The following NEFM variants were observed in gnomAD, a reference collection of about 807,000 sequenced individuals.
NEFM encodes neurofilament medium chain.
A neutral mutation model predicts 48.1 loss-of-function variants in NEFM; 16 were observed. The observed-to-expected ratio is 0.33, with a 90% CI of 0.23 to 0.51. The LOEUF (loss-of-function observed/expected upper bound fraction) is 0.51, where lower values mean the gene tolerates loss of function less well. NEFM is among the 20% of genes least tolerant of loss of function. The probability of loss-of-function intolerance (pLI) is 0.98; values close to 1 mark genes in which losing one functional copy is unlikely to be tolerated. For missense variants in NEFM, 1,107 were observed against 1,136.0 expected (o/e 0.97, Z 0.37); for synonymous variants, 465 against 456.9 (o/e 1.02, Z -0.23).
In NEFM at chr8:24,914,564, G is replaced by A; in HGVS notation, c.771G>A (p.Glu257=). Residue 257 remains glutamate, a synonymous_variant, in exon 1 of 3, where the codon GAG becomes GAA. Coordinates refer to ENST00000221166, the MANE Select transcript of NEFM (RefSeq NM_005382.2). ...TCCAGGCATCGCACATCACGGTGGA[G>A]CGCAAAGACTACCTGAAGACAGACA... ...AQIQASHITV[E]RKDYLKTDIS... is the part of the protein sequence containing the mutation. The A allele has an allele frequency of 6.2e-7, 1 of 1,614,200 alleles. No homozygotes were observed. Among genetic ancestry groups the A allele is most frequent in the Non-Finnish European group, 8.5e-7 (1 of 1,180,046 alleles).
Position 24,918,617 on chromosome 8 carries a change from C to G in NEFM, c.*11C>G. ...ACCCAGAGTGACTAAGATTTGAGTC[C>G]ATTGCAAAAGGTTAAGCCATATGAC... On this transcript the variant is annotated 3_prime_UTR_variant, in exon 3 of 3. Transcript: ENST00000221166. The G allele has an allele frequency of 6.3e-7, 1 of 1,584,196 alleles. No individual in the cohort carries two copies. Among genetic ancestry groups the G allele is most frequent in the Non-Finnish European group, 8.6e-7 (1 of 1,156,796 alleles).
In NEFM at chr8:24,918,241, A is replaced by C; in HGVS notation, c.2386A>C (p.Arg796=). 1 of 1,572,154 alleles carries C rather than the reference A, an allele frequency of 6.4e-7. No individual in the cohort carries two copies. The highest frequency in any genetic ancestry group is 8.6e-7 in the Non-Finnish European group (1 of 1,158,608). Residue 796 remains arginine (R), a synonymous_variant, in exon 3 of 3, where the codon AGG becomes CGG. Transcript: ENST00000221166. ...EGSDKGAKGS[R]KEDIAVNGEV... ...GAGTGATAAAGGTGCCAAGGGATCC[A>C]GGAAGGAAGACATAGCTGTCAATGG...
chr8:24,916,817 A>G (rs1201476379), intron 2 of NEFM, among the ~76,000 whole-genome samples: 1 of 152,130 alleles, frequency 6.6e-6, no homozygotes, highest in African/African-American at 2.4e-5. Flanking sequence ...TTAGTGGACT[A>G]TTGGGCAAGG....
In NEFM at chr8:24,917,187, C is replaced by A; in HGVS notation, c.1332C>A (p.Pro444=). The A allele has an allele frequency of 6.2e-7, 1 of 1,614,014 alleles. No individual in the cohort carries two copies. The highest frequency in any genetic ancestry group is 8.5e-7 in the Non-Finnish European group (1 of 1,180,004). ...TTCAGAAACCCAAGGTGGAAGCTCC[C>A]AAGCTTAAGGTCCAACACAAATTTG... is the stretch of plus-strand genomic sequence containing the variant. ...SKIQKPKVEA[P]KLKVQHKFVE... The change falls in exon 3 of 3, where the codon CCC becomes CCA. Residue 444 remains proline (P), a synonymous_variant. Transcript: ENST00000221166.
Position 24,913,859 on chromosome 8 carries a change from G to A in NEFM, c.66G>A (p.Ser22=), listed in dbSNP as rs1024996365. 1.2e-6 allele frequency: 2 copies of A among 1,608,738 alleles called. No individual in the cohort carries two copies. Among genetic ancestry groups the A allele is most frequent in the Non-Finnish European group, 1.7e-6 (2 of 1,178,320 alleles). The change falls in exon 1 of 3, where the codon TCG becomes TCA. Residue 22 remains serine (S), a synonymous_variant. Coordinates refer to ENST00000221166, the MANE Select transcript of NEFM (RefSeq NM_005382.2). ...ACCGGCGGGTAACCGAGACCCGCTC[G>A]AGCTTCAGCCGCGTCAGCGGCTCCC... is the stretch of plus-strand genomic sequence containing the variant. ...SAYRRVTETR[S]SFSRVSGSPS... is the part of the protein sequence containing the mutation.
In NEFM at chr8:24,917,305, A is replaced by C. The variant is rs200369309; in HGVS notation, c.1450A>C (p.Met484Leu). 6.2e-7 allele frequency: 1 copy of C among 1,614,088 alleles called. No homozygotes were observed. The highest frequency in any genetic ancestry group is 8.5e-7 in the Non-Finnish European group (1 of 1,180,014). Residue 484 changes from methionine (M) to leucine (L), a missense_variant, in exon 3 of 3, where the codon ATG becomes CTG. Physicochemically the swap from Met to Leu is conservative, Grantham distance 15. Around this residue, in one of 3 missense-constraint regions of NEFM, gnomAD observed 917 missense variants for 916.4 expected, o/e 1.00. Transcript: ENST00000221166. The part of the protein sequence containing the change: ...TAITEELAVS[M>L]KEEKKEAAEE... ...CATTACAGAGGAATTGGCCGTTTCC[A>C]TGAAGGAAGAGAAGAAAGAAGCAGC...
At position 24,915,656 on chromosome 8, in the gene NEFM, G is replaced by A. The variant is rs774502591; in HGVS notation, c.1132G>A (p.Ala378Thr). 9.9e-6 allele frequency: 16 copies of A among 1,613,904 alleles called. No homozygotes were observed. Among genetic ancestry groups the A allele is most frequent in the Non-Finnish European group, 1.2e-5 (14 of 1,179,982 alleles). Residue 378 changes from alanine (A) to threonine (T), a missense_variant, in exon 2 of 3, where the codon GCT (alanine) becomes ACT (threonine). This residue lies in a region of NEFM where 917 missense variants were observed against 916.4 expected (regional missense o/e 1.00). Transcript: ENST00000221166. The stretch of plus-strand genomic sequence containing the variant: ...GCTTCGGGGCACAAAGTGGGAAATG[G>A]CTCGTCATTTGCGCGAATACCAGGA... ...NELRGTKWEM[A>T]RHLREYQDLL...
rs1802536951 is a variant in NEFM at position 24,914,189 on chromosome 8, G to T, written c.396G>T (p.Glu132Asp). ...AGCAGAATAAGGAGATTGAGGCGGA[G>T]ATCCAGGCGCTGCGGCAGAAGCAGG... ...LEQQNKEIEAEIQALRQKQAS... is the reference protein window; with the variant it reads ...LEQQNKEIEADIQALRQKQAS... Residue 132 changes from glutamate to aspartate, a missense_variant, in exon 1 of 3, where the codon GAG becomes GAT. This residue lies in a region of NEFM where 186 missense variants were observed against 200.6 expected (regional missense o/e 0.93). Coordinates refer to ENST00000221166, the MANE Select transcript of NEFM (RefSeq NM_005382.2). 3 of 1,612,190 alleles carry T rather than the reference G, an allele frequency of 1.9e-6. No homozygotes were observed. The highest frequency in any genetic ancestry group is 1.7e-6 in the Non-Finnish European group (2 of 1,179,432).
rs1404738312 is a variant in NEFM at position 24,915,732 on chromosome 8, A to G, written c.1205+3A>G. On this transcript the variant is annotated splice_donor_region_variant and intron_variant, in intron 2 of 2. Coordinates refer to ENST00000221166, the MANE Select transcript of NEFM (RefSeq NM_005382.2). ...GATATAGAAATCGCTGCGTACAGGTACGATGCTTACTACGTGCGTGGCCGG... is the reference window on the plus strand; with the variant it reads ...GATATAGAAATCGCTGCGTACAGGTGCGATGCTTACTACGTGCGTGGCCGG... 1.2e-6 allele frequency: 2 copies of G among 1,614,080 alleles called. No homozygotes were observed. Among genetic ancestry groups the G allele is most frequent in the East Asian group, 2.2e-5 (1 of 44,872 alleles).
Position 24,917,546 on chromosome 8 carries a change from G to A in NEFM, c.1691G>A (p.Gly564Asp), listed in dbSNP as rs749256845. The A allele has an allele frequency of 1.3e-6, 2 of 1,564,614 alleles. No individual in the cohort carries two copies. Among genetic ancestry groups the A allele is most frequent in the Admixed American group, 1.9e-5 (1 of 51,954 alleles). ...GAAGGCTCTAGTGAAAAAGAGGAAG[G>A]TGAGCAGGAAGAAGGAGAAACAGAA... ...EKEGSSEKEE[G>D]EQEEGETEAE... is the part of the protein sequence containing the mutation. The change falls in exon 3 of 3, where the codon GGT becomes GAT. Residue 564 changes from glycine (G) to aspartate (D), a missense_variant. Physicochemically the swap from Gly to Asp is moderately conservative, Grantham distance 94 (BLOSUM62 -1). Around this residue, in one of 3 missense-constraint regions of NEFM, gnomAD observed 917 missense variants for 916.4 expected, o/e 1.00. Coordinates refer to ENST00000221166, the MANE Select transcript of NEFM (RefSeq NM_005382.2).
Position 24,918,493 on chromosome 8 carries a change from A to T in NEFM, c.2638A>T (p.Thr880Ser). The change falls in exon 3 of 3, where the codon ACT becomes TCT. Residue 880 changes from threonine (T) to serine (S), a missense_variant. Transcript: ENST00000221166. ...ATACATCACTAAATCTGTAACCGTC[A>T]CTCAAAAGGTTGAAGAGCATGAAGA... ...TKYITKSVTV[T>S]QKVEEHEETF... is the part of the protein sequence containing the mutation. The T allele has an allele frequency of 9.3e-6, 15 of 1,614,082 alleles. No individual in the cohort carries two copies. Among genetic ancestry groups the T allele is most frequent in the Non-Finnish European group, 1.2e-5 (14 of 1,179,978 alleles).
At position 24,918,150 on chromosome 8, in the gene NEFM, G is replaced by C; in HGVS notation, c.2295G>C (p.Gly765=). Reference sequence around the variant, plus strand: ...TGGAGAAAGAGACCAAAGAAGAGGGGAAGCCACTGCAGCAGGAGAAAGAGA... The same window carrying C: ...TGGAGAAAGAGACCAAAGAAGAGGGCAAGCCACTGCAGCAGGAGAAAGAGA... ...VHLEKETKEE[G]KPLQQEKEKE... The change falls in exon 3 of 3, where the codon GGG becomes GGC. Residue 765 remains glycine (G), a synonymous_variant. Transcript: ENST00000221166. 3 of 1,551,364 alleles carry C rather than the reference G, an allele frequency of 1.9e-6. No homozygotes were observed. Among genetic ancestry groups the C allele is most frequent in the Non-Finnish European group, 2.6e-6 (3 of 1,147,066 alleles).
chr8:24,918,173 A>G lies in NEFM; in HGVS notation c.2318A>G (p.Glu773Gly). 10 of 1,552,116 alleles carry G rather than the reference A, an allele frequency of 6.4e-6. No individual in the cohort carries two copies. Among genetic ancestry groups the G allele is most frequent in the Non-Finnish European group, 8.7e-6 (10 of 1,147,254 alleles). The change falls in exon 3 of 3, where the codon GAG becomes GGG. Residue 773 changes from glutamate (E) to glycine (G), a missense_variant. Around this residue, in one of 3 missense-constraint regions of NEFM, gnomAD observed 917 missense variants for 916.4 expected, o/e 1.00. Coordinates refer to ENST00000221166, the MANE Select transcript of NEFM (RefSeq NM_005382.2). The part of the protein sequence containing the change: ...EEGKPLQQEK[E>G]KEKAGGEGGS... ...GGGAAGCCACTGCAGCAGGAGAAAG[A>G]GAAGGAGAAAGCGGGAGGAGAGGGA...
chr8:24,918,209 A>G lies in NEFM; in HGVS notation c.2354A>G (p.Glu785Gly). The G allele has an allele frequency of 2.6e-6, 4 of 1,554,516 alleles. No individual in the cohort carries two copies. Among genetic ancestry groups the G allele is most frequent in the Non-Finnish European group, 3.5e-6 (4 of 1,148,858 alleles). Reference protein sequence around the residue: ...EKAGGEGGSEEEGSDKGAKGS... With the variant: ...EKAGGEGGSEGEGSDKGAKGS... ...GCGGGAGGAGAGGGAGGAAGTGAGG[A>G]GGAAGGGAGTGATAAAGGTGCCAAG... is the stretch of plus-strand genomic sequence containing the variant. The change falls in exon 3 of 3, where the codon GAG becomes GGG. Residue 785 changes from glutamate to glycine, a missense_variant. This residue lies in a region of NEFM where 917 missense variants were observed against 916.4 expected (regional missense o/e 1.00). Transcript: ENST00000221166.
At position 24,918,165 on chromosome 8, in the gene NEFM, G is replaced by A. The variant is rs1216245492; in HGVS notation, c.2310G>A (p.Gln770=). 1.9e-6 allele frequency: 3 copies of A among 1,551,992 alleles called. No individual in the cohort carries two copies. Among genetic ancestry groups the A allele is most frequent in the Non-Finnish European group, 2.6e-6 (3 of 1,147,214 alleles). Residue 770 remains glutamine (Q), a synonymous_variant, in exon 3 of 3, where the codon CAG becomes CAA. Coordinates refer to ENST00000221166, the MANE Select transcript of NEFM (RefSeq NM_005382.2). The part of the protein sequence containing the change: ...ETKEEGKPLQ[Q]EKEKEKAGGE... ...AAGAAGAGGGGAAGCCACTGCAGCA[G>A]GAGAAAGAGAAGGAGAAAGCGGGAG...
chr8:24,917,903 C>A lies in NEFM; in HGVS notation c.2048C>A (p.Pro683Gln), dbSNP rs1378477738. 2 of 1,613,958 alleles carry A rather than the reference C, an allele frequency of 1.2e-6. No homozygotes were observed. The highest frequency in any genetic ancestry group is 1.7e-6 in the Non-Finnish European group (2 of 1,180,038). The change falls in exon 3 of 3, where the codon CCA (proline) becomes CAA (glutamine). Residue 683 changes from proline (P) to glutamine (Q), a missense_variant. By Grantham distance (76) the Pro-to-Gln change is moderately conservative. Around this residue, in one of 3 missense-constraint regions of NEFM, gnomAD observed 917 missense variants for 916.4 expected, o/e 1.00. Coordinates refer to ENST00000221166, the MANE Select transcript of NEFM (RefSeq NM_005382.2). ...GAAGAGAAAGCCAAATCTCCTGTGCCAAAATCACCAGTGGAAGAGGCAAAG... is the reference window on the plus strand; with the variant it reads ...GAAGAGAAAGCCAAATCTCCTGTGCAAAAATCACCAGTGGAAGAGGCAAAG... ...PVEEKAKSPV[P>Q]KSPVEEAKSK...
Position 24,918,275 on chromosome 8 carries a change from A to G in NEFM, c.2420A>G (p.Glu807Gly), listed in dbSNP as rs757452112. The G allele has an allele frequency of 5.6e-6, 9 of 1,601,966 alleles. No individual in the cohort carries two copies. The highest frequency in any genetic ancestry group is 6.8e-6 in the Non-Finnish European group (8 of 1,173,722). The change falls in exon 3 of 3, where the codon GAA becomes GGA. Residue 807 changes from glutamate to glycine, a missense_variant. Around this residue, in one of 3 missense-constraint regions of NEFM, gnomAD observed 917 missense variants for 916.4 expected, o/e 1.00. Transcript: ENST00000221166. ...KEDIAVNGEVEGKEEVEQETK... is the reference protein window; with the variant it reads ...KEDIAVNGEVGGKEEVEQETK... ...GACATAGCTGTCAATGGGGAGGTAGAAGGAAAAGAGGAGGTAGAGCAGGAG... is the reference window on the plus strand; with the variant it reads ...GACATAGCTGTCAATGGGGAGGTAGGAGGAAAAGAGGAGGTAGAGCAGGAG...
chr8:24,915,456 G>T, intron 1 of NEFM, 149 bp from the exon 2 acceptor site: 1 of 1,288,254 alleles, frequency 7.8e-7, no homozygotes, highest in Non-Finnish European at 1.1e-6. Context: ...AAAGGGGGTG[G>T]GACGGGGGGC....
rs779350815 is a variant in NEFM at position 24,914,594 on chromosome 8, G to T, written c.801G>T (p.Ser267=). The part of the protein sequence containing the change: ...ERKDYLKTDI[S]TALKEIRSQL... Reference sequence around the variant, plus strand: ...AAGACTACCTGAAGACAGACATCTCGACGGCGCTGAAGGAAATCCGCTCCC... The same window carrying T: ...AAGACTACCTGAAGACAGACATCTCTACGGCGCTGAAGGAAATCCGCTCCC... The change falls in exon 1 of 3, where the codon TCG becomes TCT. Residue 267 remains serine, a synonymous_variant. Transcript: ENST00000221166. 5.6e-6 allele frequency: 9 copies of T among 1,614,186 alleles called. 1 individual carries two copies. In the South Asian group the frequency reaches 8.8e-5, roughly 16 times the overall value.
Sources: allele counts gnomAD v4.1 joint callset (sites outside exome capture counted in the v4.1 genomes callset), GRCh38; gene constraint gnomAD v4.1.1; regional missense constraint gnomAD v4.1.1; transcripts MANE v1.5; gene names NCBI Gene and HGNC (gene_info 2026-07-23, HGNC 2026-07-21).